Variants in STXBP3 observed in about 807,000 individuals in gnomAD.
STXBP3 encodes the protein syntaxin-binding protein 3.
Under a neutral mutation model 85.7 loss-of-function variants are expected in STXBP3, and 41 were observed. The observed-to-expected ratio is 0.48, with a 90% CI of 0.37 to 0.62. The LOEUF (loss-of-function observed/expected upper bound fraction) is 0.62, where lower values mean the gene tolerates loss of function less well. Ranked by LOEUF, STXBP3 falls within the 20% of genes least tolerant of loss-of-function variation. The pLI, the probability that STXBP3 is intolerant of heterozygous loss-of-function variation, is 0.00. For synonymous variants in STXBP3, 229 were observed against 231.7 expected (o/e 0.99, Z 0.10); for missense variants, 563 against 703.1 (o/e 0.80, Z 2.25).
rs557855685 is a variant in STXBP3, at chr1:108,782,253, G to A, written c.810-169G>A. The A allele has an allele frequency of 7.1e-6, 4 of 561,324 alleles. No homozygotes were observed. The South Asian group carries it at 7.7e-5, about 11-fold the overall frequency. The allele number at this position is 561,324 out of a possible 1,614,324, so 34.8% of individuals were successfully genotyped here. A position where few individuals can be genotyped will look rare whatever the true frequency, so the allele number is the denominator to read the frequency against. Reference sequence around the variant, plus strand: ...GCTTAGGACTTATTTTTAATGTAAGGATAGCAGCGTGCCTTAGTTTTGAGT... The same window carrying A: ...GCTTAGGACTTATTTTTAATGTAAGAATAGCAGCGTGCCTTAGTTTTGAGT... On this transcript the variant is annotated intron_variant, in intron 9 of 18. Transcript: ENST00000370008.
chr1:108,793,753 T>G (rs1663028584), intron 12 of STXBP3, 106 bp downstream of exon 12: 1 of 894,984 alleles, frequency 1.1e-6, no homozygotes, highest in African/African-American at 1.7e-5. Flanking sequence ...ATACTTGGTG[T>G]TATTTGTCCT....
chr1:108,747,110 G>GCCGCGCTTCCCACTCCTCCGCTCCCGT (rs1661803672), intron 1 of STXBP3, among the ~76,000 whole-genome samples: 1 of 147,394 alleles, frequency 6.8e-6, no homozygotes, highest in Non-Finnish European at 1.5e-5. Context: ...CGTGCCCTCG[G>GCCGCGCTTCCCACTCCTCCGCTCCCGT]CCGCGCTCCC....
At chr1:108,805,419 A>AT (rs34972308) in intron 17 of STXBP3, among the ~76,000 whole-genome samples, 3,150 of 114,248 alleles carry the variant, frequency 0.028, 108 homozygotes, top group African/African-American at 0.06. Flanking sequence ...CTAGATTCAG[A>AT]TTTTTTTTTT....
In STXBP3 at chr1:108,771,482, A is replaced by G. The variant is rs1254068125; in HGVS notation, c.439-1183A>G. 4.8e-5 allele frequency among the ~76,000 whole-genome samples: 5 copies of G among 105,042 alleles called. No homozygotes were observed. The East Asian group carries it at 1.1e-3, about 24-fold the overall frequency. 68.9% of individuals were successfully genotyped at this position (105,042 alleles called of 152,430 possible). On this transcript the variant is annotated intron_variant, in intron 6 of 18. Transcript: ENST00000370008. ...ATAAATATATATGATATATATCTATATATATCATATATAAATATATATGAT... is the reference window on the plus strand; with the variant it reads ...ATAAATATATATGATATATATCTATGTATATCATATATAAATATATATGAT...
chr1:108,776,391 T>A lies in STXBP3; in HGVS notation c.652T>A (p.Tyr218Asn), dbSNP rs1046714906. ...AQLVEKKLEDYYKIDEKSLIK... is the reference protein window; with the variant it reads ...AQLVEKKLEDNYKIDEKSLIK... Reference sequence around the variant, plus strand: ...GCTTGTTGAAAAAAAGCTTGAAGACTACTACAAGATTGATGAAAAGAGCCT... The same window carrying A: ...GCTTGTTGAAAAAAAGCTTGAAGACAACTACAAGATTGATGAAAAGAGCCT... Residue 218 changes from tyrosine to asparagine, a missense_variant, in exon 8 of 19, where the codon TAC (tyrosine) becomes AAC (asparagine). Coordinates refer to ENST00000370008, the MANE Select transcript of STXBP3 (RefSeq NM_007269.4). 6.2e-7 allele frequency: 1 copy of A among 1,608,826 alleles called. No individual in the cohort carries two copies. The highest frequency in any genetic ancestry group is 8.5e-7 in the Non-Finnish European group (1 of 1,177,370).
At chr1:108,783,387 A>G (rs937232725) in intron 11 of STXBP3, among the ~76,000 whole-genome samples, 1 of 152,206 alleles carries the variant, frequency 6.6e-6, no homozygotes, top group African/African-American at 2.4e-5. Flanking sequence ...TTTCCCTGTC[A>G]GTACCCCTCC....
chr1:108,754,577 T>C (rs1215360185), intron 3 of STXBP3, among the ~76,000 whole-genome samples: 1 of 152,210 alleles, frequency 6.6e-6, no homozygotes, highest in Non-Finnish European at 1.5e-5. Flanking sequence ...CATTATGCAC[T>C]GTAGGGAGGT....
At position 108,807,396 on chromosome 1, in the gene STXBP3, T is replaced by C. The variant is rs1309135068; in HGVS notation, c.1536-5T>C. On this transcript the variant is annotated splice_region_variant and splice_polypyrimidine_tract_variant and intron_variant, in intron 17 of 18. Transcript: ENST00000370008. ...TTACTTTTTTTTTTTTAAATTACTT[T>C]TTAGTGCTCGCCAGAAACCCAGAGC... 1.2e-6 allele frequency: 2 copies of C among 1,601,864 alleles called. No homozygotes were observed. The highest frequency in any genetic ancestry group is 1.7e-6 in the Non-Finnish European group (2 of 1,176,896).
Position 108,796,247 on chromosome 1 carries a change from G to T in STXBP3, c.1124G>T (p.Gly375Val), listed in dbSNP as rs769346913. Residue 375 changes from glycine to valine, a missense_variant, in exon 14 of 19, where the codon GGA (glycine) becomes GTA (valine). By Grantham distance (109) the Gly-to-Val change is moderately radical. This residue lies in a region of STXBP3 where 494 missense variants were observed against 592.8 expected (regional missense o/e 0.83). Coordinates refer to ENST00000370008, the MANE Select transcript of STXBP3 (RefSeq NM_007269.4). ...LCKTEQDLAL[G>V]TDAEGQKVKD... ...ATTTTCATTAAGGACCTGGCACTTG[G>T]AACTGATGCAGAAGGACAGAAGGTG... The T allele has an allele frequency of 2.5e-6, 4 of 1,611,034 alleles. No homozygotes were observed. The highest frequency in any genetic ancestry group is 3.4e-6 in the Non-Finnish European group (4 of 1,179,184).
intron 7 of STXBP3, among the ~76,000 whole-genome samples, chr1:108,774,669 G>A (rs1662548250): frequency 7.0e-6 from 1 of 142,498 alleles, no homozygotes; most frequent in Non-Finnish European, 1.5e-5. Context: ...TTTGAGATGG[G>A]GGTCTCTATG....
At chr1:108,780,686 T>C (rs998574629) in intron 9 of STXBP3, 1 of 151,598 alleles carries the variant, frequency 6.6e-6, no homozygotes, top group African/African-American at 2.4e-5. Context: ...CAGTTTTTTA[T>C]GGAAACAGAA....
At chr1:108,804,451 T>TA (rs1663289152) in intron 17 of STXBP3, among the ~76,000 whole-genome samples, 1 of 152,216 alleles carries the variant, frequency 6.6e-6, no homozygotes, top group Non-Finnish European at 1.5e-5. Flanking sequence ...ATTTTAAACA[T>TA]ACCTAATTTG....
chr1:108,809,156 AT>A lies in STXBP3; in HGVS notation c.*284del. 1 of 279,060 alleles carries A rather than the reference AT, an allele frequency of 3.6e-6. No individual in the cohort carries two copies. Among genetic ancestry groups the A allele is most frequent in the South Asian group, 5.1e-5 (1 of 19,536 alleles). The allele number at this position is 279,060 out of a possible 1,614,324, so 17.3% of individuals were successfully genotyped here. On this transcript the variant is annotated 3_prime_UTR_variant, in exon 19 of 19. Transcript: ENST00000370008. ...GGAGAATATATTAGAGTTGTGGGTA[AT>A]TTTTCACAGCCACCTATGTACATAC...
intron 4 of STXBP3, among the ~76,000 whole-genome samples, chr1:108,758,269 CT>C (rs11445379): frequency 0.13 from 18,832 of 144,546 alleles, 1,417 homozygotes; most frequent in Middle Eastern, 0.2. Flanking sequence ...TTACCTTACT[CT>C]TTTTTTTTTT....
intron 3 of STXBP3, 43 bp from the exon 4 acceptor site, chr1:108,756,647 A>G: frequency 9.1e-7 from 1 of 1,104,458 alleles, no homozygotes; most frequent in Non-Finnish European, 1.3e-6. Flanking sequence ...TATTTTAAGT[A>G]TATAAATATT....
chr1:108,791,827 C>G (rs531011687), intron 11 of STXBP3, among the ~76,000 whole-genome samples: 180 of 152,306 alleles, frequency 1.2e-3, no homozygotes, highest in African/African-American at 4.0e-3. Context: ...GTCCCCATCC[C>G]CTGACAACTA....
chr1:108,768,386 C>T (rs2101112612), intron 6 of STXBP3, among the ~76,000 whole-genome samples: 1 of 152,262 alleles, frequency 6.6e-6, no homozygotes, highest in Non-Finnish European at 1.5e-5. Context: ...AGGAATGAGC[C>T]ACTGCACCAG....
chr1:108,767,487 T>C, intron 6 of STXBP3: 1 of 185,640 alleles, frequency 5.4e-6, no homozygotes, highest in South Asian at 1.0e-4. Flanking sequence ...TTGTAAGAGC[T>C]TTATTGCCTC....
intron 17 of STXBP3, among the ~76,000 whole-genome samples, chr1:108,801,021 G>A (rs1663222928): frequency 6.6e-6 from 1 of 152,032 alleles, no homozygotes; most frequent in Admixed American, 6.6e-5. Flanking sequence ...TGAAACTCCT[G>A]TTACACATAA....
Sources: allele counts gnomAD v4.1 joint callset (sites outside exome capture counted in the v4.1 genomes callset), GRCh38; gene constraint gnomAD v4.1.1; regional missense constraint gnomAD v4.1.1; transcripts MANE v1.5; gene names NCBI Gene and HGNC (gene_info 2026-07-23, HGNC 2026-07-21).